The following NBR1 variants were observed in gnomAD, a reference collection of about 807,000 sequenced individuals.
NBR1 encodes next to BRCA1 gene 1 protein.
NBR1 carries 59 observed loss-of-function variants against 115.5 expected under a neutral mutation model. The observed-to-expected ratio is 0.51, with a 90% CI of 0.41 to 0.63. The LOEUF is 0.63. NBR1 is among the 30% of genes least tolerant of loss of function. The pLI, the probability that NBR1 is intolerant of heterozygous loss-of-function variation, is 0.00. For missense variants in NBR1, 1,043 were observed against 1,150.5 expected (o/e 0.91, Z 1.35); for synonymous variants, 373 against 414.7 (o/e 0.90, Z 1.22).
In NBR1 at chr17:43,190,729, C is replaced by G; in HGVS notation, c.816C>G (p.His272Gln). Residue 272 changes from histidine (H) to glutamine (Q), a missense_variant, in exon 9 of 21, where the codon CAC (histidine) becomes CAG (glutamine). Coordinates refer to ENST00000590996, the MANE Select transcript of NBR1 (RefSeq NM_005899.5). Reference sequence around the variant, plus strand: ...TGGGCTCCTCTGAACCGTTCTGTCACTCAAAGTACTCTACTCCTCGTCTTC... The same window carrying G: ...TGGGCTCCTCTGAACCGTTCTGTCAGTCAAAGTACTCTACTCCTCGTCTTC... ...PVVGSSEPFCHSKYSTPRLPA... is the reference protein window; with the variant it reads ...PVVGSSEPFCQSKYSTPRLPA... The G allele has an allele frequency of 1.2e-6, 2 of 1,613,522 alleles. No homozygotes were observed. Among genetic ancestry groups the G allele is most frequent in the Non-Finnish European group, 1.7e-6 (2 of 1,179,574 alleles).
In NBR1 at chr17:43,206,430, G is replaced by A. The variant is rs2154582455; in HGVS notation, c.2727+2644G>A. 1.3e-5 allele frequency among the ~76,000 whole-genome samples: 2 copies of A among 152,168 alleles called. 1 individual carries two copies. The highest frequency in any genetic ancestry group is 3.9e-4 in the East Asian group (2 of 5,146). ...CCCAGCACTTTGGGAGGCCGAGGCG[G>A]GCAGATCACGAGGTCAGGAGTTCAA... is the stretch of plus-strand genomic sequence containing the variant. On this transcript the variant is annotated intron_variant, in intron 20 of 20. Coordinates refer to ENST00000590996, the MANE Select transcript of NBR1 (RefSeq NM_005899.5).
intron 5 of NBR1, among the ~76,000 whole-genome samples, chr17:43,181,868 C>CTTGTCATAGAGGCTGG (rs2056674926): frequency 1.3e-5 from 2 of 151,782 alleles, no homozygotes; most frequent in African/African-American, 2.4e-5. Flanking sequence ...CCTATAATCC[C>CTTGTCATAGAGGCTGG]AGCTACTTGG....
chr17:43,182,888 C>G (rs1302370831), intron 5 of NBR1, among the ~76,000 whole-genome samples: 1 of 150,972 alleles, frequency 6.6e-6, no homozygotes, highest in Non-Finnish European at 1.5e-5. Context: ...TTCAGCCTTC[C>G]TAATAGCTGG....
chr17:43,190,964 A>G (rs1208168039), intron 9 of NBR1, among the ~76,000 whole-genome samples, 188 bp downstream of exon 9: 1 of 152,226 alleles, frequency 6.6e-6, no homozygotes, highest in Non-Finnish European at 1.5e-5. Context: ...TTAAGAAACT[A>G]AAGTAGGCTG....
intron 12 of NBR1, among the ~76,000 whole-genome samples, chr17:43,194,115 T>C (rs1417317732): frequency 6.6e-6 from 1 of 152,240 alleles, no homozygotes; most frequent in African/African-American, 2.4e-5. Flanking sequence ...CCAATGTTAA[T>C]TTTCTGGTTT....
At chr17:43,201,166 G>A (rs1034826518) in intron 17 of NBR1, among the ~76,000 whole-genome samples, 2 of 152,180 alleles carry the variant, frequency 1.3e-5, no homozygotes, top group African/African-American at 2.4e-5. Flanking sequence ...ACTATGCCTG[G>A]CTGAGAGCCA....
intron 8 of NBR1, chr17:43,190,093 CTTT>C (rs34682023): frequency 0.015 from 3,198 of 212,338 alleles, no homozygotes; most frequent in South Asian, 0.028. Context: ...TTCCAAATGC[CTTT>C]TTTTTTTTTT....
intron 3 of NBR1, 44 bp downstream of exon 3, chr17:43,178,042 G>T: frequency 6.5e-7 from 1 of 1,549,656 alleles, no homozygotes; most frequent in South Asian, 1.1e-5. Context: ...TCAGAATAGG[G>T]ATCTTATTTC....
chr17:43,175,845 CA>C lies in NBR1; in HGVS notation c.49del (p.Ser17AlafsTer19). The part of the protein sequence containing the change: ...TLNVTFKNEI[Q>X]SFLVSDPENT... ...AAATGTGACTTTTAAAAATGAAATT[CA>C]AAGCTTTCTGGTTTCTGATCCAGAA... On this transcript the variant is annotated frameshift_variant, in exon 2 of 21. Coordinates refer to ENST00000590996, the MANE Select transcript of NBR1 (RefSeq NM_005899.5). LOFTEE classifies it high-confidence loss of function. 1 of 1,606,508 alleles carries C rather than the reference CA, an allele frequency of 6.2e-7. No individual in the cohort carries two copies. Among genetic ancestry groups the C allele is most frequent in the Non-Finnish European group, 8.5e-7 (1 of 1,175,322 alleles).
Position 43,187,224 on chromosome 17 carries a change from G to A in NBR1, c.402+780G>A, listed in dbSNP as rs139512856. ...AACGGAGTCTCACTCTGTTGCCCAG[G>A]CTGTGGAGTGCAGTGGCGCGATCTC... On this transcript the variant is annotated intron_variant, in intron 6 of 20. Transcript: ENST00000590996. Among the ~76,000 whole-genome samples, 509 of 152,176 alleles carry A rather than the reference G, an allele frequency of 3.3e-3. 7 individuals are homozygous for A. Among genetic ancestry groups the A allele is most frequent in the Admixed American group, 0.022 (334 of 15,270 alleles).
chr17:43,194,907 A>G, intron 13 of NBR1, 57 bp from the exon 14 acceptor site: 1 of 1,372,654 alleles, frequency 7.3e-7, no homozygotes, highest in Non-Finnish European at 1.0e-6. Flanking sequence ...TACAGGTCCC[A>G]TCAAGACATG....
intron 1 of NBR1, among the ~76,000 whole-genome samples, chr17:43,173,200 G>A (rs1350062011): frequency 6.6e-6 from 1 of 151,958 alleles, no homozygotes; most frequent in African/African-American, 2.4e-5. Flanking sequence ...GCCCAGGCTG[G>A]TCTTGAACTC....
rs577399508 is a variant in NBR1, at chr17:43,209,567, G to T, written c.2728-334G>T. The T allele has an allele frequency of 2.6e-6, 4 of 1,534,874 alleles. No individual in the cohort carries two copies. In the South Asian group the frequency reaches 4.8e-5, roughly 18 times the overall value. On this transcript the variant is annotated intron_variant, in intron 20 of 20. Coordinates refer to ENST00000590996, the MANE Select transcript of NBR1 (RefSeq NM_005899.5). ...CACTTATGTTCACAGGGTCTCTGGG[G>T]CTTGCTGTCATTCCTTCATCTGGCC...
upstream of NBR1, chr17:43,171,066 G>C (rs969226026): frequency 4.6e-5 from 7 of 152,520 alleles, no homozygotes; most frequent in Non-Finnish European, 1.0e-4. Flanking sequence ...ATTGTTGTTC[G>C]GGTTCAGGTT....
intron 5 of NBR1, among the ~76,000 whole-genome samples, chr17:43,185,580 A>G (rs1333009364): frequency 6.6e-6 from 1 of 152,176 alleles, no homozygotes; most frequent in African/African-American, 2.4e-5. Context: ...ATGCGCCTGT[A>G]ATCCCAGCTA....
Position 43,200,338 on chromosome 17 carries a change from T to G in NBR1, c.2198T>G (p.Ile733Ser). The G allele has an allele frequency of 6.4e-7, 1 of 1,553,826 alleles. No individual in the cohort carries two copies. ...SQSSASSEDY[I>S]IILPECFDTS... ...TCCTCTGCTTCCTCAGAGGATTACA[T>G]CATCATCCTGCCTGAGTGCTTTGAT... Residue 733 changes from isoleucine (I) to serine (S), a missense_variant, in exon 17 of 21, where the codon ATC becomes AGC. Coordinates refer to ENST00000590996, the MANE Select transcript of NBR1 (RefSeq NM_005899.5).
intron 18 of NBR1, 45 bp from the exon 19 acceptor site, chr17:43,202,610 G>T (rs776432215): frequency 8.4e-6 from 12 of 1,425,698 alleles, no homozygotes; most frequent in Non-Finnish European, 1.2e-5. Flanking sequence ...GAAACAGTAG[G>T]TGCTTATGGA....
At chr17:43,188,723 T>TC (rs1241299948) in intron 6 of NBR1, among the ~76,000 whole-genome samples, 1 of 152,238 alleles carries the variant, frequency 6.6e-6, no homozygotes, top group Non-Finnish European at 1.5e-5. Flanking sequence ...GGGAATCCTT[T>TC]CCCCATTGCC....
intron 16 of NBR1, among the ~76,000 whole-genome samples, chr17:43,198,855 C>T (rs184004999): frequency 0.012 from 1,754 of 151,832 alleles, 19 homozygotes; most frequent in Non-Finnish European, 0.019. Flanking sequence ...CCCAGCTACT[C>T]GGGAGGCTGA....
Sources: gnomAD v4.1 joint callset for allele counts (sites outside exome capture counted in the v4.1 genomes callset) on GRCh38, gnomAD v4.1.1 for gene constraint, MANE v1.5 for transcripts, NCBI Gene and HGNC (gene_info 2026-07-23, HGNC 2026-07-21) for gene names.